Variants in DYNC1I1 observed in about 807,000 individuals in gnomAD.
DYNC1I1 encodes dynein cytoplasmic 1 intermediate chain 1.
In DYNC1I1, 43 loss-of-function variants were observed where a neutral mutation model predicts 86.6. The ratio of observed to expected loss-of-function variants is 0.50; its 90% CI spans 0.39 to 0.64. The LOEUF (loss-of-function observed/expected upper bound fraction) is 0.64. Ranked by LOEUF, DYNC1I1 falls within the 30% of genes least tolerant of loss-of-function variation. The probability of loss-of-function intolerance (pLI) is 0.00; values close to 1 mark genes in which losing one functional copy is unlikely to be tolerated. For missense variants in DYNC1I1, 604 were observed against 788.8 expected (o/e 0.77, Z 2.81); for synonymous variants, 262 against 283.7 (o/e 0.92, Z 0.77).
intron 6 of DYNC1I1, among the ~76,000 whole-genome samples, chr7:95,932,237 GC>G (rs1393810656): frequency 2.0e-5 from 3 of 152,146 alleles, no homozygotes; most frequent in Non-Finnish European, 2.9e-5. Context: ...TGAAAGGAAT[GC>G]AGCAATAAAA....
chr7:95,959,673 A>G (rs368043206), intron 6 of DYNC1I1, among the ~76,000 whole-genome samples: 71 of 152,330 alleles, frequency 4.7e-4, no homozygotes, highest in African/African-American at 1.6e-3. Context: ...GGGTTTACAT[A>G]CCGGTTCTAT....
chr7:95,848,961 G>T (rs1057286120), intron 5 of DYNC1I1, among the ~76,000 whole-genome samples: 24 of 151,954 alleles, frequency 1.6e-4, no homozygotes, highest in African/African-American at 5.6e-4. Context: ...TTTTTAATTT[G>T]CATTTCCCTG....
chr7:95,902,736 TCTC>T (rs1056449007), intron 6 of DYNC1I1, among the ~76,000 whole-genome samples: 31 of 152,228 alleles, frequency 2.0e-4, no homozygotes, highest in Non-Finnish European at 3.4e-4. Flanking sequence ...AATCCACTTG[TCTC>T]CTCCTCCTAA....
In DYNC1I1 at chr7:95,996,084, G is replaced by A. The variant is rs1793860565; in HGVS notation, c.969+11G>A. On this transcript the variant is annotated intron_variant, in intron 10 of 16. Transcript: ENST00000447467. ...GTCTTCCACTGTCAGGTAGGAGTCA[G>A]CGTAGTAAAAATAACTTACATCTCC... The A allele has an allele frequency of 6.2e-7, 1 of 1,613,874 alleles. No homozygotes were observed. Among genetic ancestry groups the A allele is most frequent in the African/African-American group, 1.3e-5 (1 of 74,912 alleles).
intron 6 of DYNC1I1, among the ~76,000 whole-genome samples, chr7:95,891,836 T>C (rs1190482550): frequency 6.6e-6 from 1 of 152,206 alleles, no homozygotes; most frequent in Admixed American, 6.5e-5. Flanking sequence ...ATCCACCTTC[T>C]TCACGCATTT....
At chr7:95,840,041 C>G (rs904867503) in intron 5 of DYNC1I1, among the ~76,000 whole-genome samples, 4 of 151,866 alleles carry the variant, frequency 2.6e-5, no homozygotes, top group Non-Finnish European at 4.4e-5. Flanking sequence ...TATAATATGT[C>G]CTTGGTTTGG....
At chr7:95,931,713 C>T (rs1562947586) in intron 6 of DYNC1I1, among the ~76,000 whole-genome samples, 1 of 152,208 alleles carries the variant, frequency 6.6e-6, no homozygotes, top group Non-Finnish European at 1.5e-5. Flanking sequence ...ACTGCAACAG[C>T]TCAGCTGTGT....
intron 15 of DYNC1I1, among the ~76,000 whole-genome samples, chr7:96,079,945 T>A (rs928426463): frequency 6.6e-6 from 1 of 152,214 alleles, no homozygotes; most frequent in African/African-American, 2.4e-5. Context: ...ACCATACACC[T>A]GCTTTCTGCC....
intron 16 of DYNC1I1, among the ~76,000 whole-genome samples, chr7:96,082,398 G>A (rs186139609): frequency 3.3e-5 from 5 of 151,872 alleles, no homozygotes; most frequent in African/African-American, 1.2e-4. Context: ...ATGAAGACAT[G>A]CTCAGAGATA....
Position 95,942,881 on chromosome 7 carries a change from T to G in DYNC1I1, c.491-34631T>G, listed in dbSNP as rs775548017. 3.3e-3 allele frequency among the ~76,000 whole-genome samples: 481 copies of G among 146,768 alleles called. 6 individuals carry two copies. Among genetic ancestry groups the G allele is most frequent in the African/African-American group, 0.012 (460 of 39,568 alleles). ...ATTGATGGGACATATCTCAAAATAA[T>G]AAGAGCTATCTATGACAAACCCACA... On this transcript the variant is annotated intron_variant, in intron 6 of 16. Transcript: ENST00000447467.
At chr7:96,061,710 TCTCACA>T (rs1324568175) in intron 14 of DYNC1I1, among the ~76,000 whole-genome samples, 2 of 112,612 alleles carry the variant, frequency 1.8e-5, no homozygotes, top group South Asian at 2.8e-4. Context: ...TCTCTCTCTC[TCTCACA>T]CACACACACA....
At chr7:95,868,756 G>A (rs973683322) in intron 5 of DYNC1I1, among the ~76,000 whole-genome samples, 11 of 152,088 alleles carry the variant, frequency 7.2e-5, no homozygotes, top group Non-Finnish European at 8.8e-5. Flanking sequence ...TGTGTATGTG[G>A]TACATAGACA....
At chr7:95,899,313 T>C (rs1790973268) in intron 6 of DYNC1I1, among the ~76,000 whole-genome samples, 1 of 152,198 alleles carries the variant, frequency 6.6e-6, no homozygotes, top group South Asian at 2.1e-4. Flanking sequence ...ACCCTGCTTA[T>C]ATGTCAGAAT....
At chr7:96,025,758 C>A (rs1794663269) in intron 10 of DYNC1I1, among the ~76,000 whole-genome samples, 1 of 151,940 alleles carries the variant, frequency 6.6e-6, no homozygotes, top group African/African-American at 2.4e-5. Context: ...TAGTTGATTG[C>A]CAACTATGTG....
chr7:95,855,317 A>G (rs1209323989), intron 5 of DYNC1I1, among the ~76,000 whole-genome samples: 1 of 152,138 alleles, frequency 6.6e-6, no homozygotes, highest in Non-Finnish European at 1.5e-5. Flanking sequence ...GCTGCTAGTC[A>G]TATTCGAAAT....
chr7:95,902,445 T>C (rs1791063529), intron 6 of DYNC1I1, among the ~76,000 whole-genome samples: 1 of 152,206 alleles, frequency 6.6e-6, no homozygotes. Flanking sequence ...CATGATGTTC[T>C]ACAGCACAAG....
At chr7:95,941,831 C>A (rs549139958) in intron 6 of DYNC1I1, among the ~76,000 whole-genome samples, 1 of 152,314 alleles carries the variant, frequency 6.6e-6, no homozygotes, top group African/African-American at 2.4e-5. Context: ...CACTGTCTGG[C>A]ACTCCCTAGT....
chr7:96,020,188 G>T (rs1794509215), intron 10 of DYNC1I1, among the ~76,000 whole-genome samples: 1 of 151,870 alleles, frequency 6.6e-6, no homozygotes, highest in East Asian at 1.9e-4. Context: ...AATGTAAAAT[G>T]GTGCGGCTGC....
chr7:95,807,751 C>T (rs2115813360), intron 2 of DYNC1I1, among the ~76,000 whole-genome samples: 1 of 152,248 alleles, frequency 6.6e-6, no homozygotes, highest in East Asian at 1.9e-4. Flanking sequence ...TCCCAGAAAG[C>T]TGCCTCTGAT....
Sources: allele counts gnomAD v4.1 joint callset (sites outside exome capture counted in the v4.1 genomes callset), GRCh38; gene constraint gnomAD v4.1.1; transcripts MANE v1.5; gene names NCBI Gene and HGNC (gene_info 2026-07-23, HGNC 2026-07-21).